Variants in KLF8 observed in about 807,000 individuals in gnomAD.
The protein encoded by KLF8 is Krueppel-like factor 8.
A neutral mutation model predicts 18.2 loss-of-function variants in KLF8; 10 were observed. The observed-to-expected ratio is 0.55, with a 90% confidence interval of 0.34 to 0.93. KLF8 has a LOEUF of 0.93. Among genes scored for constraint, KLF8 ranks in the 40% least tolerant of loss-of-function variants. The pLI, the probability that KLF8 is intolerant of heterozygous loss-of-function variation, is 0.02. For synonymous variants in KLF8, 109 were observed against 97.3 expected, an observed-to-expected ratio of 1.12 and a Z score of -0.71; for missense variants, 264 against 277.9, an observed-to-expected ratio of 0.95 and a Z score of 0.36.
At chrX:56,174,738 G>C in the KLF8 span, among the ~76,000 whole-genome samples, 1 of 111,062 alleles carries the variant, frequency 9.0e-6, no homozygotes, top group African/African-American at 3.3e-5. Flanking sequence ...GCCTTTTTTT[G>C]GTTGCTAGGC....
chrX:56,243,582 A>G (rs1372393561), intron 1 of KLF8, among the ~76,000 whole-genome samples: 1 of 87,024 alleles, frequency 1.1e-5, no homozygotes, highest in Non-Finnish European at 2.1e-5. Context: ...TGTCTCCCAG[A>G]CTAGAGTGCA....
the KLF8 span, among the ~76,000 whole-genome samples, chrX:56,021,887 A>G: frequency 9.1e-6 from 1 of 109,479 alleles, no homozygotes; most frequent in Non-Finnish European, 1.9e-5. Context: ...TAATTCTCAT[A>G]AATACTTCAT....
Position 56,237,399 on chromosome X carries a change from A to ATG in KLF8, c.7+4076_7+4077dup, listed in dbSNP as rs748941653. ...ATGAGGTAGTTTCTATTATATATATATGTGTGTGTGTGTGTGTGTTTGTGT... is the reference window on the plus strand; with the variant it reads ...ATGAGGTAGTTTCTATTATATATATATGTGTGTGTGTGTGTGTGTGTTTGTGT... On this transcript the variant is annotated intron_variant, in intron 1 of 5. Coordinates refer to ENST00000468660, the MANE Select transcript of KLF8 (RefSeq NM_007250.5). Among the ~76,000 whole-genome samples, 148 of 106,437 alleles carry ATG rather than the reference A, an allele frequency of 1.4e-3. 1 individual carries two copies. Among genetic ancestry groups the ATG allele is most frequent in the Admixed American group, 3.1e-3 (31 of 9,869 alleles). 92.4% of individuals were successfully genotyped at this position (106,437 alleles called of 115,157 possible).
At chrX:56,002,942 A>C in the KLF8 span, among the ~76,000 whole-genome samples, 5 of 112,659 alleles carry the variant, frequency 4.4e-5, no homozygotes, top group Non-Finnish European at 9.4e-5. Flanking sequence ...ATCTGGAATA[A>C]AATGAGTGAA....
chrX:56,269,038 A>T (rs1369768627), intron 3 of KLF8: 5 of 889,030 alleles, frequency 5.6e-6, no homozygotes, highest in Non-Finnish European at 6.9e-6. Context: ...GTTGAAACTA[A>T]CTTTTCAGCT....
At chrX:56,268,169 A>G (rs1022106815) in intron 3 of KLF8, 1 of 111,620 alleles carries the variant, frequency 9.0e-6, no homozygotes, top group South Asian at 3.7e-4. Flanking sequence ...TATATTGTAT[A>G]TATATATATG....
At chrX:56,208,208 G>A in the KLF8 span, among the ~76,000 whole-genome samples, 1 of 111,565 alleles carries the variant, frequency 9.0e-6, no homozygotes, top group Non-Finnish European at 1.9e-5. Context: ...TTCAATCTTG[G>A]TAGTTTGTAT....
chrX:56,000,197 T>G, the KLF8 span, among the ~76,000 whole-genome samples: 2 of 111,227 alleles, frequency 1.8e-5, no homozygotes, highest in Non-Finnish European at 3.8e-5. Flanking sequence ...GAAACCCACT[T>G]AATCATGGTG....
At chrX:55,976,647 T>C in the KLF8 span, among the ~76,000 whole-genome samples, 1 of 111,358 alleles carries the variant, frequency 9.0e-6, no homozygotes, top group Non-Finnish European at 1.9e-5. Flanking sequence ...ATATGAACTT[T>C]AGGATTTTGT....
chrX:55,975,299 A>T, the KLF8 span, among the ~76,000 whole-genome samples: 2 of 111,722 alleles, frequency 1.8e-5, no homozygotes, highest in African/African-American at 6.5e-5. Context: ...TGTTGGGAGG[A>T]TTTAAGGGTA....
At chrX:56,233,458 C>T in intron 1 of KLF8, 117 bp downstream of exon 1, 2 of 581,867 alleles carry the variant, frequency 3.4e-6, no homozygotes, top group Non-Finnish European at 5.9e-6. Context: ...GCAGTGGGGG[C>T]GGGAGCGGAA....
chrX:56,139,149 C>A, the KLF8 span, among the ~76,000 whole-genome samples: 2 of 111,603 alleles, frequency 1.8e-5, no homozygotes, highest in African/African-American at 6.5e-5. Context: ...TGAAAGAAAT[C>A]AGCAACAAGA....
the KLF8 span, among the ~76,000 whole-genome samples, chrX:56,161,042 C>T: frequency 9.0e-6 from 1 of 111,423 alleles, no homozygotes; most frequent in Non-Finnish European, 1.9e-5. Flanking sequence ...TGTTCCTTTC[C>T]ATTTTTAGTG....
At position 56,290,828 on chromosome X, in the gene KLF8, C is replaced by T. The variant is rs780505384; in HGVS notation, c.*6334C>T. ...TTTATACCAGTGGCAGGATATTTCT[C>T]TGTTTTCCAAACACTGGTTTTAATT... is the stretch of plus-strand genomic sequence containing the variant. On this transcript the variant is annotated 3_prime_UTR_variant, in exon 6 of 6. Transcript: ENST00000468660. Among the ~76,000 whole-genome samples the T allele has an allele frequency of 1.8e-5, 2 of 111,646 alleles. No homozygotes were observed.
chrX:56,201,046 T>A, the KLF8 span, among the ~76,000 whole-genome samples: 1 of 111,818 alleles, frequency 8.9e-6, no homozygotes, highest in Non-Finnish European at 1.9e-5. Context: ...TGGAAAACAG[T>A]GTGATGTTTT....
the KLF8 span, among the ~76,000 whole-genome samples, chrX:56,162,214 G>A: frequency 8.9e-6 from 1 of 112,165 alleles, no homozygotes; most frequent in Non-Finnish European, 1.9e-5. Flanking sequence ...ATACTTGGGG[G>A]TCATGGACCC....
chrX:55,947,684 G>T, the KLF8 span, among the ~76,000 whole-genome samples: 1 of 111,339 alleles, frequency 9.0e-6, no homozygotes, highest in Non-Finnish European at 1.9e-5. Flanking sequence ...GATCAGAGCA[G>T]AATCAAATCA....
At chrX:56,049,840 T>C in the KLF8 span, among the ~76,000 whole-genome samples, 1 of 108,979 alleles carries the variant, frequency 9.2e-6, no homozygotes, top group South Asian at 4.0e-4. Context: ...TCAGAAGGAA[T>C]GGTACCAGTT....
chrX:56,164,112 T>TTTTATTA, the KLF8 span, among the ~76,000 whole-genome samples: 3 of 111,390 alleles, frequency 2.7e-5, no homozygotes, highest in South Asian at 3.7e-4. Context: ...ATTTTTTATT[T>TTTTATTA]TTTTTTTAAA....
Sources: gnomAD v4.1 joint callset for allele counts (sites outside exome capture counted in the v4.1 genomes callset) on GRCh38, gnomAD v4.1.1 for gene constraint, MANE v1.5 for transcripts, NCBI Gene and HGNC (gene_info 2026-07-23, HGNC 2026-07-21) for gene names.